Variants in PRIM2 observed in about 807,000 individuals in gnomAD.
The protein encoded by PRIM2 is DNA primase subunit 2.
In PRIM2, 39 loss-of-function variants were observed where a neutral mutation model predicts 67.3. The ratio of observed to expected loss-of-function variants is 0.58; its 90% CI spans 0.45 to 0.76. The LOEUF is 0.76. PRIM2 is among the 30% of genes least tolerant of loss of function. The pLI, the probability that PRIM2 is intolerant of heterozygous loss-of-function variation, is 0.00. For missense variants in PRIM2, 398 were observed against 598.7 expected, an observed-to-expected ratio of 0.66 and a Z score of 3.50; for synonymous variants, 143 against 198.7, an observed-to-expected ratio of 0.72 and a Z score of 2.36.
chr6:57,249,280 A>T, the PRIM2 span, among the ~76,000 whole-genome samples: 8 of 152,268 alleles, frequency 5.3e-5, no homozygotes, highest in East Asian at 1.5e-3. Flanking sequence ...TTTCTTTATT[A>T]TGCATATTAG....
At chr6:57,464,803 C>T (rs1394995337) in intron 7 of PRIM2, among the ~76,000 whole-genome samples, 6 of 152,104 alleles carry the variant, frequency 3.9e-5, no homozygotes, top group African/African-American at 1.4e-4. Context: ...CCAAAATCAC[C>T]ATTACCACCA....
chr6:57,420,730 G>A (rs909497887), intron 7 of PRIM2, among the ~76,000 whole-genome samples: 38 of 152,180 alleles, frequency 2.5e-4, no homozygotes, highest in African/African-American at 8.9e-4. Context: ...GTATCAGATT[G>A]TATTTTGGGG....
the PRIM2 span, among the ~76,000 whole-genome samples, chr6:57,273,975 C>T: frequency 0.013 from 2,014 of 152,298 alleles, 15 homozygotes; most frequent in Non-Finnish European, 0.019. Context: ...GCTGCCTGAT[C>T]ATTCCTTTGG....
intron 13 of PRIM2, among the ~76,000 whole-genome samples, chr6:57,638,594 A>T (rs1777165910): frequency 6.7e-6 from 1 of 149,206 alleles, no homozygotes; most frequent in African/African-American, 2.5e-5. Context: ...AAAAAAAAAA[A>T]AAAAAGCAGG....
At chr6:57,268,588 G>GTA in the PRIM2 span, among the ~76,000 whole-genome samples, 10 of 151,764 alleles carry the variant, frequency 6.6e-5, no homozygotes, top group Middle Eastern at 3.4e-3. Context: ...GGATATATAT[G>GTA]TATATATATA....
At chr6:57,338,752 T>G (rs1440277070) in intron 5 of PRIM2, among the ~76,000 whole-genome samples, 3 of 129,786 alleles carry the variant, frequency 2.3e-5, no homozygotes, top group African/African-American at 9.3e-5. Context: ...AATATCATAC[T>G]GAATGGGCAA....
upstream of PRIM2, among the ~76,000 whole-genome samples, chr6:57,314,646 T>C (rs545059603): frequency 1.3e-5 from 2 of 152,256 alleles, no homozygotes; most frequent in Non-Finnish European, 2.9e-5. Flanking sequence ...TTTGAGATGC[T>C]ATGGTTCAGT....
chr6:57,608,598 A>C (rs1206698414), intron 12 of PRIM2, among the ~76,000 whole-genome samples: 9 of 151,802 alleles, frequency 5.9e-5, no homozygotes, highest in Non-Finnish European at 1.0e-4. Flanking sequence ...GTGGCATGCA[A>C]CTGTAGCCTC....
chr6:57,568,796 G>A (rs1173221731), intron 10 of PRIM2, among the ~76,000 whole-genome samples: 46 of 152,188 alleles, frequency 3.0e-4, no homozygotes, highest in Non-Finnish European at 5.9e-4. Flanking sequence ...TTTCAACTAT[G>A]CTGGTTAAAG....
At chr6:57,524,985 T>A (rs1186031063) in intron 8 of PRIM2, among the ~76,000 whole-genome samples, 2 of 152,028 alleles carry the variant, frequency 1.3e-5, no homozygotes, top group Admixed American at 6.6e-5. Flanking sequence ...AAGGGGTTTT[T>A]AAAATTATAT....
At chr6:57,396,145 A>G (rs1770507726) in intron 7 of PRIM2, among the ~76,000 whole-genome samples, 1 of 152,150 alleles carries the variant, frequency 6.6e-6, no homozygotes, top group Admixed American at 6.5e-5. Context: ...GTTGGATGAA[A>G]TGTTCTGTAA....
intron 12 of PRIM2, among the ~76,000 whole-genome samples, chr6:57,620,972 C>T (rs1217301361): frequency 6.6e-6 from 1 of 152,274 alleles, no homozygotes; most frequent in Admixed American, 6.5e-5. Flanking sequence ...AACAGCATTA[C>T]AGGCAGGAGC....
At chr6:57,505,380 T>C (rs1391805215) in intron 7 of PRIM2, 7 of 152,170 alleles carry the variant, frequency 4.6e-5, no homozygotes, top group African/African-American at 1.7e-4. Context: ...ATCAAGCACA[T>C]GTGTTCCAGA....
intron 7 of PRIM2, among the ~76,000 whole-genome samples, chr6:57,495,993 G>A (rs1349052803): frequency 6.6e-6 from 1 of 152,012 alleles, no homozygotes; most frequent in Admixed American, 6.6e-5. Flanking sequence ...CAGTCCTCTT[G>A]CCTGGGCCTC....
At chr6:57,285,486 G>A in the PRIM2 span, among the ~76,000 whole-genome samples, 4 of 152,242 alleles carry the variant, frequency 2.6e-5, no homozygotes, top group East Asian at 1.9e-4. Context: ...ATCAATAAAC[G>A]TAATCCATCA....
At chr6:57,252,910 C>T in the PRIM2 span, among the ~76,000 whole-genome samples, 2 of 152,054 alleles carry the variant, frequency 1.3e-5, no homozygotes, top group East Asian at 3.9e-4. Context: ...GATCAGAAAG[C>T]AGATCTGTTT....
At chr6:57,324,310 A>T (rs1349384552) in intron 4 of PRIM2, 30 bp downstream of exon 4, 1 of 1,376,412 alleles carries the variant, frequency 7.3e-7, no homozygotes, top group Non-Finnish European at 1.0e-6. Context: ...CTCACAGTCA[A>T]ATCTGGTGTC....
At chr6:57,522,999 G>T (rs1235044114) in intron 8 of PRIM2, among the ~76,000 whole-genome samples, 2 of 152,088 alleles carry the variant, frequency 1.3e-5, no homozygotes, top group Non-Finnish European at 2.9e-5. Context: ...ATACTTTGAG[G>T]TTAAACATTT....
chr6:57,541,889 C>T (rs1429945517), intron 10 of PRIM2, among the ~76,000 whole-genome samples: 1 of 152,024 alleles, frequency 6.6e-6, no homozygotes, highest in Non-Finnish European at 1.5e-5. Context: ...AGAAACACCC[C>T]CTCAGACACC....
Sources: gnomAD v4.1 joint callset for allele counts (sites outside exome capture counted in the v4.1 genomes callset) on GRCh38, gnomAD v4.1.1 for gene constraint, MANE v1.5 for transcripts, NCBI Gene and HGNC (gene_info 2026-07-23, HGNC 2026-07-21) for gene names.